The following SMPD4 variants were observed in gnomAD, a reference collection of about 807,000 sequenced individuals.
SMPD4 encodes sphingomyelin phosphodiesterase 4.
A neutral mutation model predicts 97.8 loss-of-function variants in SMPD4; 58 were observed. The ratio of observed to expected loss-of-function variants is 0.59; its 90% CI spans 0.48 to 0.74. SMPD4 has a LOEUF of 0.74. Among genes scored for constraint, SMPD4 ranks in the 30% least tolerant of loss-of-function variants. SMPD4 has a pLI of 0.00. For synonymous variants in SMPD4, 388 were observed against 450.0 expected (o/e 0.86, Z 1.74); for missense variants, 853 against 1,080.5 (o/e 0.79, Z 2.95).
At chr2:130,159,641 A>G (rs912040242) in intron 11 of SMPD4, 9 of 152,298 alleles carry the variant, frequency 5.9e-5, no homozygotes, top group Non-Finnish European at 1.2e-4. Flanking sequence ...CCATCTCAAA[A>G]AAAAAAAAAA....
At chr2:130,156,463 A>T in intron 13 of SMPD4, 122 bp downstream of exon 13, 1 of 982,518 alleles carries the variant, frequency 1.0e-6, no homozygotes, top group Non-Finnish European at 1.5e-6. Flanking sequence ...GCCCTCCAAG[A>T]CCCCCTCCTT....
rs189145895 is a variant in SMPD4, at chr2:130,178,745, A to G, written c.-45-2108T>C. On this transcript the variant is annotated intron_variant, in intron 1 of 19. Transcript: ENST00000680298. Reference sequence around the variant, plus strand: ...AGGAGGCGGAGGTTGCAGTGAGCCAAGATCACACCATTGCACTCTAGCCGG... The same window carrying G: ...AGGAGGCGGAGGTTGCAGTGAGCCAGGATCACACCATTGCACTCTAGCCGG... 3.1e-3 allele frequency among the ~76,000 whole-genome samples: 477 copies of G among 151,992 alleles called. 3 individuals are homozygous for G. The highest frequency in any genetic ancestry group is 6.8e-3 in the Middle Eastern group (2 of 294).
chr2:130,175,326 G>A (rs181042681), intron 2 of SMPD4, among the ~76,000 whole-genome samples: 1 of 152,194 alleles, frequency 6.6e-6, no homozygotes, highest in African/African-American at 2.4e-5. Flanking sequence ...AGCCAGAAGA[G>A]GATCTTGACT....
rs1160895808 is a variant in SMPD4 at position 130,154,472 on chromosome 2, T to C, written c.1464A>G (p.Leu488=). The change falls in exon 16 of 20, where the codon CTA becomes CTG. Residue 488 remains leucine (L), a synonymous_variant. Transcript: ENST00000680298. The stretch of plus-strand genomic sequence containing the variant: ...GGATGACCAGCTCTGGCTCCAGGAA[T>C]AGCTGCTCACCTAGAAGGCAGGAGA... ...LAEMIQKGEQ[L]FLEPELVIPH... 6.4e-7 allele frequency: 1 copy of C among 1,554,054 alleles called. No homozygotes were observed. Among genetic ancestry groups the C allele is most frequent in the Non-Finnish European group, 8.7e-7 (1 of 1,148,336 alleles).
chr2:130,176,690 T>C, intron 1 of SMPD4, 53 bp from the exon 2 acceptor site: 1 of 1,444,294 alleles, frequency 6.9e-7, no homozygotes, highest in Non-Finnish European at 9.6e-7. Flanking sequence ...CAGAATCTTT[T>C]TATATTATTT....
chr2:130,172,105 G>T (rs1688526778), intron 8 of SMPD4, among the ~76,000 whole-genome samples: 1 of 152,186 alleles, frequency 6.6e-6, no homozygotes, highest in Admixed American at 6.5e-5. Context: ...TTCCCATGCA[G>T]GCCGTGGAGG....
intron 9 of SMPD4, among the ~76,000 whole-genome samples, 157 bp from the exon 10 acceptor site, chr2:130,164,602 A>C (rs1687745307): frequency 1.3e-5 from 2 of 152,110 alleles, no homozygotes; most frequent in African/African-American, 4.8e-5. Context: ...ATCACCAAAA[A>C]ATAACTCAAA....
chr2:130,171,226 T>G (rs906704107), intron 8 of SMPD4, among the ~76,000 whole-genome samples: 1 of 149,280 alleles, frequency 6.7e-6, no homozygotes, highest in African/African-American at 2.5e-5. Flanking sequence ...CGCCTCAACC[T>G]CCTGAGTAGC....
At chr2:130,171,903 G>A (rs1688504246) in intron 8 of SMPD4, among the ~76,000 whole-genome samples, 1 of 152,246 alleles carries the variant, frequency 6.6e-6, no homozygotes, top group African/African-American at 2.4e-5. Context: ...CCCAACCTGT[G>A]CAGGCACGCA....
At chr2:130,154,064 GA>G (rs1319339897) in intron 16 of SMPD4, 129 bp from the exon 17 acceptor site, 1 of 1,113,654 alleles carries the variant, frequency 9.0e-7, no homozygotes, top group Non-Finnish European at 1.3e-6. Flanking sequence ...GACTTTTAAA[GA>G]CTAAAGGATG....
At position 130,177,656 on chromosome 2, in the gene SMPD4, C is replaced by T. The variant is rs1171580695; in HGVS notation, c.-45-1019G>A. 2.6e-5 allele frequency among the ~76,000 whole-genome samples: 4 copies of T among 151,068 alleles called. No homozygotes were observed. The South Asian group carries it at 6.3e-4, about 24-fold the overall frequency. ...GGTTGCAGTGAGCTGAGTCACACCA[C>T]TGCACTCCAGCCTAGAAGGCTGAGC... On this transcript the variant is annotated intron_variant, in intron 1 of 19. Transcript: ENST00000680298.
chr2:130,176,571 G>T lies in SMPD4; in HGVS notation c.22C>A (p.Gln8Lys). Reference sequence around the variant, plus strand: ...ATATTTACCAGTAGAAAGCTGGGCTGCTGCAGGTGAGGGAACGCCATAGCA... The same window carrying T: ...ATATTTACCAGTAGAAAGCTGGGCTTCTGCAGGTGAGGGAACGCCATAGCA... MAFPHLQQPSFLLASLKA... is the reference protein window; with the variant it reads MAFPHLQKPSFLLASLKA... The change falls in exon 2 of 20, where the codon CAG (glutamine) becomes AAG (lysine). Residue 8 changes from glutamine to lysine, a missense_variant. Around this residue, in one of 3 missense-constraint regions of SMPD4, gnomAD observed 313 missense variants for 402.2 expected, o/e 0.78. Coordinates refer to ENST00000680298, the MANE Select transcript of SMPD4 (RefSeq NM_017951.5). The T allele has an allele frequency of 1.2e-6, 2 of 1,613,014 alleles. No homozygotes were observed. Among genetic ancestry groups the T allele is most frequent in the Non-Finnish European group, 1.7e-6 (2 of 1,179,502 alleles).
chr2:130,164,847 T>A (rs1290169493), intron 9 of SMPD4, among the ~76,000 whole-genome samples: 6 of 152,116 alleles, frequency 3.9e-5, no homozygotes, highest in African/African-American at 1.2e-4. Flanking sequence ...GGCTCAACCC[T>A]GTCATCCCAG....
intron 8 of SMPD4, among the ~76,000 whole-genome samples, chr2:130,169,626 C>T (rs1246077014): frequency 4.0e-5 from 6 of 151,766 alleles, no homozygotes; most frequent in Non-Finnish European, 7.4e-5. Context: ...AGTGCAGTGG[C>T]ACGCTCACAG....
chr2:130,160,113 G>T (rs1325861610), intron 11 of SMPD4, among the ~76,000 whole-genome samples: 4 of 151,996 alleles, frequency 2.6e-5, no homozygotes, highest in Admixed American at 1.3e-4. Context: ...ATTTCCCACT[G>T]GGCTGAGACT....
intron 8 of SMPD4, 111 bp from the exon 9 acceptor site, chr2:130,167,701 A>G: frequency 2.5e-6 from 3 of 1,220,088 alleles, no homozygotes; most frequent in Non-Finnish European, 3.4e-6. Flanking sequence ...GACAGATTAC[A>G]ACTTGTTCAA....
Position 130,156,672 on chromosome 2 carries a change from A to G in SMPD4, c.1101T>C (p.Ala367=), listed in dbSNP as rs1297611390. 9 of 1,613,148 alleles carry G rather than the reference A, an allele frequency of 5.6e-6. No individual in the cohort carries two copies. Among genetic ancestry groups the G allele is most frequent in the South Asian group, 2.2e-5 (2 of 90,848 alleles). ...ATSPLEEFKR[A]AVPRFVQQKL... Reference sequence around the variant, plus strand: ...TCTGCTGGACGAACCTCGGGACAGCAGCCCTGCAGGGGATGGGGAGGGTCA... The same window carrying G: ...TCTGCTGGACGAACCTCGGGACAGCGGCCCTGCAGGGGATGGGGAGGGTCA... Residue 367 remains alanine, a synonymous_variant, in exon 13 of 20, where the codon GCT becomes GCC. Transcript: ENST00000680298.
intron 8 of SMPD4, among the ~76,000 whole-genome samples, chr2:130,168,922 T>C (rs1333458901): frequency 1.3e-5 from 2 of 152,176 alleles, no homozygotes; most frequent in East Asian, 1.9e-4. Context: ...GATTTTGCTA[T>C]GTTGCCTGAG....
rs546025760 is a variant in SMPD4, at chr2:130,160,262, C to T, written c.951+924G>A. On this transcript the variant is annotated intron_variant, in intron 11 of 19. Transcript: ENST00000680298. ...CTCCTCTCCTCTGCAGTGGCTCCTG[C>T]GGAATGAGGTGCCCCTGTGTGCTGT... Among the ~76,000 whole-genome samples the T allele has an allele frequency of 1.4e-4, 21 of 152,326 alleles. No homozygotes were observed. The South Asian group carries it at 3.9e-3, about 29-fold the overall frequency.
Sources: allele counts gnomAD v4.1 joint callset (sites outside exome capture counted in the v4.1 genomes callset), GRCh38; gene constraint gnomAD v4.1.1; regional missense constraint gnomAD v4.1.1; transcripts MANE v1.5; gene names NCBI Gene and HGNC (gene_info 2026-07-23, HGNC 2026-07-21).